Variants in CTNNA2 observed in about 807,000 individuals in gnomAD.
CTNNA2 encodes the protein catenin alpha-2.
In CTNNA2, 42 loss-of-function variants were observed where a neutral mutation model predicts 101.0. That is an observed-to-expected ratio of 0.42 (90% CI 0.32 to 0.54). The LOEUF is 0.54. Ranked by LOEUF, CTNNA2 falls within the 20% of genes least tolerant of loss-of-function variation. The pLI is 0.14. For synonymous variants in CTNNA2, 450 were observed against 456.4 expected (o/e 0.99, Z 0.18); for missense variants, 871 against 1,223.1 (o/e 0.71, Z 4.29).
At chr2:79,713,966 C>T (rs554965771) in intron 2 of CTNNA2, among the ~76,000 whole-genome samples, 1 of 152,122 alleles carries the variant, frequency 6.6e-6, no homozygotes, top group Non-Finnish European at 1.5e-5. Context: ...TCTTTATGTA[C>T]GAACACAAAA....
intron 2 of CTNNA2, among the ~76,000 whole-genome samples, chr2:79,240,127 C>T (rs116772202): frequency 0.074 from 11,240 of 151,670 alleles, 555 homozygotes; most frequent in East Asian, 0.18. Context: ...AGACAGGTCT[C>T]GAACTCCCAG....
chr2:79,879,011 AG>A (rs1396915720), intron 6 of CTNNA2, among the ~76,000 whole-genome samples: 1 of 152,184 alleles, frequency 6.6e-6, no homozygotes, highest in Non-Finnish European at 1.5e-5. Flanking sequence ...GGTGTAAGGA[AG>A]GGGTCCAGTT....
At chr2:79,736,926 A>C (rs1193136137) in intron 2 of CTNNA2, among the ~76,000 whole-genome samples, 1 of 152,178 alleles carries the variant, frequency 6.6e-6, no homozygotes, top group Non-Finnish European at 1.5e-5. Flanking sequence ...CACTTTCCCA[A>C]GTTCCTCGTG....
At chr2:79,456,726 G>A (rs1314423639) in intron 4 of CTNNA2, among the ~76,000 whole-genome samples, 1 of 152,116 alleles carries the variant, frequency 6.6e-6, no homozygotes, top group Non-Finnish European at 1.5e-5. Context: ...AGGGTAAAAT[G>A]GCACTTGGTT....
chr2:80,391,752 A>G (rs531298783), intron 7 of CTNNA2, among the ~76,000 whole-genome samples: 1 of 152,340 alleles, frequency 6.6e-6, no homozygotes, highest in East Asian at 1.9e-4. Flanking sequence ...ATTCTTCTCC[A>G]TACACTTTTG....
intron 4 of CTNNA2, among the ~76,000 whole-genome samples, chr2:79,380,514 A>G (rs1678027279): frequency 6.6e-6 from 1 of 152,186 alleles, no homozygotes; most frequent in Non-Finnish European, 1.5e-5. Flanking sequence ...TGATAAGCCA[A>G]TAATTAGTCT....
At chr2:79,948,947 G>A (rs1688691784) in intron 7 of CTNNA2, among the ~76,000 whole-genome samples, 1 of 152,022 alleles carries the variant, frequency 6.6e-6, no homozygotes, top group South Asian at 2.1e-4. Context: ...CAGCCTGGGC[G>A]ACAGAGCCAG....
At chr2:79,504,486 C>T (rs1671369775) in intron 4 of CTNNA2, among the ~76,000 whole-genome samples, 1 of 152,082 alleles carries the variant, frequency 6.6e-6, no homozygotes, top group Non-Finnish European at 1.5e-5. Context: ...GACGGGCTTT[C>T]ACCATATTGA....
chr2:79,703,124 C>G (rs60681373), intron 2 of CTNNA2, among the ~76,000 whole-genome samples: 7,892 of 152,266 alleles, frequency 0.052, 723 homozygotes, highest in African/African-American at 0.18. Context: ...TCATAGCTCC[C>G]TAGGGGACAA....
At chr2:79,310,045 T>C (rs1484364360) in intron 2 of CTNNA2, among the ~76,000 whole-genome samples, 1 of 152,210 alleles carries the variant, frequency 6.6e-6, no homozygotes. Context: ...ACTATTGATT[T>C]ATTTATGTTG....
At chr2:79,808,534 C>G (rs1435826747) in intron 3 of CTNNA2, among the ~76,000 whole-genome samples, 1 of 152,110 alleles carries the variant, frequency 6.6e-6, no homozygotes, top group East Asian at 1.9e-4. Context: ...ATTTTCTTTA[C>G]AGTGTCTTTG....
At chr2:79,921,948 C>T (rs147804076) in intron 7 of CTNNA2, among the ~76,000 whole-genome samples, 135 of 152,264 alleles carry the variant, frequency 8.9e-4, no homozygotes, top group African/African-American at 3.0e-3. Flanking sequence ...CTGCCTTGGT[C>T]CTAAATGATA....
intron 2 of CTNNA2, among the ~76,000 whole-genome samples, chr2:79,286,155 T>A (rs978402058): frequency 6.6e-6 from 1 of 152,154 alleles, no homozygotes; most frequent in African/African-American, 2.4e-5. Context: ...TGTCTCTGCA[T>A]GTGAGATGGG....
At chr2:80,022,211 C>A (rs1694615523) in intron 7 of CTNNA2, among the ~76,000 whole-genome samples, 1 of 152,104 alleles carries the variant, frequency 6.6e-6, no homozygotes. Flanking sequence ...TATTCTTTTG[C>A]TTAGTCATCG....
chr2:79,652,206 T>C (rs1681305829), intron 2 of CTNNA2, among the ~76,000 whole-genome samples: 1 of 151,576 alleles, frequency 6.6e-6, no homozygotes, highest in South Asian at 2.1e-4. Context: ...GCATGCTCTT[T>C]GCTATTTTAA....
At chr2:80,409,266 G>A (rs1397238377) in intron 8 of CTNNA2, among the ~76,000 whole-genome samples, 1 of 151,912 alleles carries the variant, frequency 6.6e-6, no homozygotes, top group Non-Finnish European at 1.5e-5. Flanking sequence ...CTGATGGAGG[G>A]GTGGAGAAAT....
At chr2:80,271,711 C>G (rs968892014) in intron 7 of CTNNA2, among the ~76,000 whole-genome samples, 1 of 152,120 alleles carries the variant, frequency 6.6e-6, no homozygotes, top group African/African-American at 2.4e-5. Flanking sequence ...TGTGAGCCAC[C>G]GTGCCCAGCC....
intron 4 of CTNNA2, among the ~76,000 whole-genome samples, chr2:79,860,692 G>A (rs1267649002): frequency 6.6e-6 from 1 of 152,070 alleles, no homozygotes; most frequent in Non-Finnish European, 1.5e-5. Context: ...AGAGTGCAGT[G>A]TCTGTAGCAA....
At chr2:79,702,621 T>C (rs2104764088) in intron 2 of CTNNA2, among the ~76,000 whole-genome samples, 1 of 152,330 alleles carries the variant, frequency 6.6e-6, no homozygotes, top group Admixed American at 6.5e-5. Context: ...TTAGGTTGGC[T>C]GTTAGTTAAT....
Sources: gnomAD v4.1 joint callset for allele counts (sites outside exome capture counted in the v4.1 genomes callset) on GRCh38, gnomAD v4.1.1 for gene constraint, MANE v1.5 for transcripts, NCBI Gene and HGNC (gene_info 2026-07-23, HGNC 2026-07-21) for gene names.